Variants in PEPD observed in about 807,000 individuals in gnomAD.
The protein encoded by PEPD is peptidase D.
A neutral mutation model predicts 60.7 loss-of-function variants in PEPD; 53 were observed. The ratio of observed to expected loss-of-function variants is 0.87; its 90% CI spans 0.70 to 1.10. PEPD has a LOEUF of 1.10. Ranked by LOEUF, PEPD falls within the 50% of genes least tolerant of loss-of-function variation. The probability of loss-of-function intolerance (pLI) is 0.00; values close to 1 mark genes in which losing one functional copy is unlikely to be tolerated. For missense variants in PEPD, 711 were observed against 711.9 expected, an observed-to-expected ratio of 1.00 and a Z score of 0.01; for synonymous variants, 267 against 284.1, an observed-to-expected ratio of 0.94 and a Z score of 0.60.
At chr19:33,468,032 A>G (rs1276451393) in intron 7 of PEPD, among the ~76,000 whole-genome samples, 4 of 152,272 alleles carry the variant, frequency 2.6e-5, no homozygotes, top group Admixed American at 6.5e-5. Flanking sequence ...AGGGCTGCTA[A>G]GAGCAGGAGC....
rs114421298 is a variant in PEPD, at chr19:33,467,962, C to T, written c.549-3900G>A. On this transcript the variant is annotated intron_variant, in intron 7 of 14. Coordinates refer to ENST00000244137, the MANE Select transcript of PEPD (RefSeq NM_000285.4). Reference sequence around the variant, plus strand: ...AGGGCCACGTCCTCCCCTAATGGAGCGCAGAGACCATGGAGAGACGGATAC... The same window carrying T: ...AGGGCCACGTCCTCCCCTAATGGAGTGCAGAGACCATGGAGAGACGGATAC... 9.8e-3 allele frequency among the ~76,000 whole-genome samples: 1,491 copies of T among 152,170 alleles called. 35 individuals are homozygous for T. The highest frequency in any genetic ancestry group is 0.035 in the African/African-American group (1,432 of 41,484).
chr19:33,488,195 C>G (rs903522780), intron 6 of PEPD, among the ~76,000 whole-genome samples: 2 of 152,080 alleles, frequency 1.3e-5, no homozygotes, highest in Admixed American at 1.3e-4. Flanking sequence ...CCTGGCCCAC[C>G]ACGCAGATGG....
intron 7 of PEPD, among the ~76,000 whole-genome samples, chr19:33,475,171 G>C (rs2145292807): frequency 6.6e-6 from 1 of 152,196 alleles, no homozygotes; most frequent in Admixed American, 6.5e-5. Flanking sequence ...TTCCTGAGCA[G>C]GGAGGAGATA....
intron 9 of PEPD, among the ~76,000 whole-genome samples, chr19:33,455,137 C>T (rs1969772468): frequency 3.9e-5 from 6 of 152,034 alleles, no homozygotes; most frequent in South Asian, 2.1e-4. Flanking sequence ...AAGCTAAGGC[C>T]GCTGGAATAA....
At chr19:33,420,878 C>G (rs1284179920) in intron 9 of PEPD, among the ~76,000 whole-genome samples, 1 of 152,214 alleles carries the variant, frequency 6.6e-6, no homozygotes, top group Non-Finnish European at 1.5e-5. Flanking sequence ...TGGTCAGTCT[C>G]TCTTCCCCAG....
chr19:33,492,626 C>G lies in PEPD; in HGVS notation c.441+664G>C, dbSNP rs184633711. On this transcript the variant is annotated intron_variant, in intron 5 of 14. Transcript: ENST00000244137. The stretch of plus-strand genomic sequence containing the variant: ...CCTGTTGTGCTATCAAATACCAGAT[C>G]TGATTTGTTCTACCTAGCTATATTT... Among the ~76,000 whole-genome samples the G allele has an allele frequency of 1.4e-4, 21 of 152,320 alleles. No individual in the cohort carries two copies. In the East Asian group the frequency reaches 3.9e-3, roughly 28 times the overall value.
chr19:33,499,649 G>A (rs990130887), intron 4 of PEPD, among the ~76,000 whole-genome samples: 4 of 152,234 alleles, frequency 2.6e-5, no homozygotes. Flanking sequence ...AGGGCTCAGG[G>A]AAGGGGCACC....
intron 9 of PEPD, among the ~76,000 whole-genome samples, chr19:33,452,448 T>A (rs150607825): frequency 1.3e-5 from 2 of 152,158 alleles, no homozygotes; most frequent in East Asian, 3.9e-4. Flanking sequence ...GAATTAATAA[T>A]AAAACTGGAA....
intron 9 of PEPD, among the ~76,000 whole-genome samples, chr19:33,446,693 G>A (rs537963847): frequency 5.6e-4 from 86 of 152,366 alleles, no homozygotes; most frequent in Middle Eastern, 6.8e-3. Flanking sequence ...AAAGCAGCAT[G>A]CTCTCAGCCA....
intron 4 of PEPD, 69 bp from the exon 5 acceptor site, chr19:33,493,406 T>C (rs1970538088): frequency 1.9e-6 from 2 of 1,039,466 alleles, no homozygotes; most frequent in Non-Finnish European, 1.5e-6. Context: ...CATGCCACCA[T>C]TCCTTCATAA....
intron 13 of PEPD, 21 bp downstream of exon 13, chr19:33,391,274 G>T (rs185605276): frequency 2.5e-6 from 4 of 1,589,590 alleles, no homozygotes; most frequent in Non-Finnish European, 3.4e-6. Flanking sequence ...AGGCCACTCC[G>T]CCTGCCATGT....
intron 6 of PEPD, among the ~76,000 whole-genome samples, chr19:33,479,695 G>C (rs1483141451): frequency 6.6e-6 from 1 of 152,136 alleles, no homozygotes; most frequent in Non-Finnish European, 1.5e-5. Context: ...TCCTGCATTA[G>C]TTTGCTGAGG....
chr19:33,510,096 G>A (rs899529596), intron 3 of PEPD, among the ~76,000 whole-genome samples: 2 of 152,204 alleles, frequency 1.3e-5, no homozygotes, highest in African/African-American at 2.4e-5. Context: ...CAGGAGTGAC[G>A]GCCTCGCAGG....
At chr19:33,417,881 T>A (rs1186300755) in intron 9 of PEPD, among the ~76,000 whole-genome samples, 5 of 152,220 alleles carry the variant, frequency 3.3e-5, no homozygotes, top group Non-Finnish European at 1.5e-5. Flanking sequence ...AGCCAAGTTC[T>A]CTACAGAAGT....
chr19:33,484,861 G>C lies in PEPD; in HGVS notation c.503+5135C>G, dbSNP rs535479720. ...GACAAGGTTAACAGGTTGAACCCTG[G>C]GTAATAAAATTCATATAGTTCTCAT... On this transcript the variant is annotated intron_variant, in intron 6 of 14. Transcript: ENST00000244137. Among the ~76,000 whole-genome samples the C allele has an allele frequency of 1.4e-3, 209 of 152,222 alleles. 1 individual carries two copies. The highest frequency in any genetic ancestry group is 4.3e-3 in the African/African-American group (178 of 41,514).
chr19:33,387,611 T>G (rs968286762), intron 14 of PEPD, 130 bp from the exon 15 acceptor site: 6 of 1,207,766 alleles, frequency 5.0e-6, no homozygotes, highest in Middle Eastern at 2.4e-4. Flanking sequence ...ACGGGTGGCC[T>G]CCGGGCTCCT....
intron 9 of PEPD, among the ~76,000 whole-genome samples, chr19:33,457,500 C>G (rs1423174558): frequency 1.3e-5 from 2 of 152,136 alleles, no homozygotes; most frequent in African/African-American, 4.8e-5. Context: ...GCTGTCCTTA[C>G]TGGAGTCAAA....
At chr19:33,390,041 G>A (rs949728275) in intron 13 of PEPD, among the ~76,000 whole-genome samples, 2 of 152,256 alleles carry the variant, frequency 1.3e-5, no homozygotes, top group Admixed American at 1.3e-4. Context: ...TGGGCACAGG[G>A]CTTGACAAGG....
At chr19:33,402,687 C>T (rs1382809591) in intron 11 of PEPD, among the ~76,000 whole-genome samples, 5 of 152,234 alleles carry the variant, frequency 3.3e-5, no homozygotes, top group African/African-American at 7.2e-5. Context: ...ACCCTGTCCA[C>T]CTGCACCCTG....
Sources: allele counts gnomAD v4.1 joint callset (sites outside exome capture counted in the v4.1 genomes callset), GRCh38; gene constraint gnomAD v4.1.1; transcripts MANE v1.5; gene names NCBI Gene and HGNC (gene_info 2026-07-23, HGNC 2026-07-21).